ELMO1: variants seen among roughly 807,000 people sequenced by gnomAD.
ELMO1 encodes the protein engulfment and cell motility protein 1.
Under a neutral mutation model 98.9 loss-of-function variants are expected in ELMO1, and 26 were observed. That is an observed-to-expected ratio of 0.26 (90% CI 0.19 to 0.36). The LOEUF (loss-of-function observed/expected upper bound fraction) is 0.36, where lower values mean the gene tolerates loss of function less well. ELMO1 is among the 10% of genes least tolerant of loss of function. ELMO1 has a pLI of 1.00. For synonymous variants in ELMO1, 346 were observed against 346.0 expected (o/e 1.00, Z 0.00); for missense variants, 627 against 935.2 (o/e 0.67, Z 4.30).
chr7:37,316,097 C>CT (rs1324514249), intron 2 of ELMO1, 137 bp from the exon 3 acceptor site: 2 of 701,438 alleles, frequency 2.9e-6, no homozygotes, highest in African/African-American at 3.6e-5. Flanking sequence ...GTCAATGAGT[C>CT]TCTTATTTTT....
At chr7:37,070,441 A>G (rs553991652) in intron 15 of ELMO1, among the ~76,000 whole-genome samples, 3 of 152,288 alleles carry the variant, frequency 2.0e-5, no homozygotes, top group Non-Finnish European at 2.9e-5. Context: ...AAATTTATCA[A>G]TTTAGTTCAC....
intron 16 of ELMO1, among the ~76,000 whole-genome samples, chr7:36,990,164 A>AT (rs1791779562): frequency 6.6e-6 from 1 of 152,180 alleles, no homozygotes; most frequent in African/African-American, 2.4e-5. Context: ...CGGTTTTGTT[A>AT]TGGAGATCCC....
At chr7:37,220,068 C>T (rs1212876052) in intron 10 of ELMO1, among the ~76,000 whole-genome samples, 4 of 152,228 alleles carry the variant, frequency 2.6e-5, no homozygotes, top group Admixed American at 1.3e-4. Flanking sequence ...TCCACAGCAA[C>T]CCACATGATG....
chr7:37,238,229 A>T (rs1345989854), intron 7 of ELMO1, among the ~76,000 whole-genome samples: 1 of 152,102 alleles, frequency 6.6e-6, no homozygotes, highest in Non-Finnish European at 1.5e-5. Context: ...ATTTCCCCTC[A>T]TTTATTTATT....
chr7:36,973,569 G>A (rs1790169499), intron 16 of ELMO1, among the ~76,000 whole-genome samples: 1 of 152,046 alleles, frequency 6.6e-6, no homozygotes. Flanking sequence ...GCAGTGAGAG[G>A]TGACAGCGTG....
intron 2 of ELMO1, among the ~76,000 whole-genome samples, chr7:37,328,265 C>G (rs1401004277): frequency 6.6e-6 from 1 of 151,408 alleles, no homozygotes; most frequent in Non-Finnish European, 1.5e-5. Context: ...TGCCTGTGGT[C>G]CCAGCTACTT....
chr7:36,861,803 G>T, intron 20 of ELMO1, 67 bp from the exon 21 acceptor site: 1 of 1,479,836 alleles, frequency 6.8e-7, no homozygotes, highest in Non-Finnish European at 9.4e-7. Flanking sequence ...AGTTGCAAAT[G>T]GCTGCACATT....
chr7:36,859,518 G>A (rs892747372), intron 21 of ELMO1, among the ~76,000 whole-genome samples: 3 of 152,158 alleles, frequency 2.0e-5, no homozygotes, highest in South Asian at 2.1e-4. Context: ...AGGAATGTGC[G>A]AGCTCAGTGT....
intron 1 of ELMO1, among the ~76,000 whole-genome samples, chr7:37,355,452 G>C (rs1801460199): frequency 6.6e-6 from 1 of 152,208 alleles, no homozygotes; most frequent in Admixed American, 6.5e-5. Context: ...TTTGCTGTAA[G>C]CATCATAACC....
intron 4 of ELMO1, among the ~76,000 whole-genome samples, chr7:37,278,112 C>CGTTTTT (rs1192086043): frequency 2.2e-5 from 2 of 90,424 alleles, no homozygotes; most frequent in African/African-American, 8.6e-5. Flanking sequence ...GATAGCTTTT[C>CGTTTTT]CTTTTTTTTT....
chr7:37,109,121 G>A (rs1007982311), intron 14 of ELMO1, among the ~76,000 whole-genome samples: 2 of 152,160 alleles, frequency 1.3e-5, no homozygotes, highest in African/African-American at 2.4e-5. Context: ...AATACAAGCT[G>A]GGGGGAAAAC....
At chr7:37,369,999 A>G (rs1294061638) in intron 1 of ELMO1, among the ~76,000 whole-genome samples, 1 of 152,058 alleles carries the variant, frequency 6.6e-6, no homozygotes, top group Non-Finnish European at 1.5e-5. Context: ...AAGAAATGCA[A>G]TTGCCTCAAA....
chr7:37,258,846 G>A (rs900601906), intron 6 of ELMO1, among the ~76,000 whole-genome samples: 5 of 151,968 alleles, frequency 3.3e-5, no homozygotes, highest in African/African-American at 4.8e-5. Flanking sequence ...GATAGGCAAC[G>A]AATATGAGGG....
At chr7:37,267,873 A>G (rs1324435646) in intron 5 of ELMO1, among the ~76,000 whole-genome samples, 2 of 152,122 alleles carry the variant, frequency 1.3e-5, no homozygotes, top group African/African-American at 4.8e-5. Context: ...ATTTTTTCCA[A>G]TGTTGTTTTT....
In ELMO1 at chr7:36,853,822, G is replaced by A. The variant is rs1394178085; in HGVS notation, c.*1729C>T. ...CCCTTCTGACATCCCTCCCAGTGCT[G>A]GGAGTTTACAATCCTGATAATGCCT... On this transcript the variant is annotated 3_prime_UTR_variant, in exon 22 of 22. Transcript: ENST00000310758. Among the ~76,000 whole-genome samples the A allele has an allele frequency of 6.6e-6, 1 of 152,162 alleles. No individual in the cohort carries two copies. The highest frequency in any genetic ancestry group is 1.5e-5 in the Non-Finnish European group (1 of 68,036).
At chr7:37,296,195 A>C (rs1400415128) in intron 4 of ELMO1, among the ~76,000 whole-genome samples, 2 of 152,184 alleles carry the variant, frequency 1.3e-5, no homozygotes, top group Non-Finnish European at 2.9e-5. Flanking sequence ...TTTGAAATTC[A>C]GAGCCCTCTT....
At chr7:37,400,249 C>T (rs1220653372) in intron 1 of ELMO1, among the ~76,000 whole-genome samples, 2 of 152,132 alleles carry the variant, frequency 1.3e-5, no homozygotes, top group Non-Finnish European at 2.9e-5. Context: ...TATTTAAATA[C>T]TGCACCAACA....
chr7:37,128,679 G>A (rs1357008197), intron 14 of ELMO1, among the ~76,000 whole-genome samples: 1 of 152,040 alleles, frequency 6.6e-6, no homozygotes, highest in African/African-American at 2.4e-5. Flanking sequence ...CTGTTAGGAG[G>A]AACAAAAGCC....
chr7:37,180,161 TAGCAG>T (rs1790756365), intron 13 of ELMO1, among the ~76,000 whole-genome samples: 1 of 152,162 alleles, frequency 6.6e-6, no homozygotes, highest in Non-Finnish European at 1.5e-5. Context: ...ACTAAAGGAA[TAGCAG>T]CAGATTTTCC....
Sources: gnomAD v4.1 joint callset for allele counts (sites outside exome capture counted in the v4.1 genomes callset) on GRCh38, gnomAD v4.1.1 for gene constraint, MANE v1.5 for transcripts, NCBI Gene and HGNC (gene_info 2026-07-23, HGNC 2026-07-21) for gene names.